Variants in UBAC2 observed in about 807,000 individuals in gnomAD.
UBAC2 encodes ubiquitin-associated domain-containing protein 2.
In UBAC2, 26 loss-of-function variants were observed where a neutral mutation model predicts 44.0. The observed-to-expected ratio is 0.59, with a 90% CI of 0.43 to 0.82. UBAC2 has a LOEUF of 0.82. UBAC2 is among the 40% of genes least tolerant of loss of function. UBAC2 has a pLI of 0.00. For missense variants in UBAC2, 329 were observed against 419.4 expected (o/e 0.78, Z 1.88); for synonymous variants, 155 against 154.3 (o/e 1.00, Z -0.04).
chr13:99,329,053 T>C (rs138435721), intron 6 of UBAC2, among the ~76,000 whole-genome samples: 2,434 of 152,342 alleles, frequency 0.016, 36 homozygotes, highest in Non-Finnish European at 0.025. Context: ...TTACCAGTTA[T>C]TGAAAAGACC....
chr13:99,336,626 T>C (rs2044792220), intron 6 of UBAC2, among the ~76,000 whole-genome samples: 1 of 152,162 alleles, frequency 6.6e-6, no homozygotes, highest in Non-Finnish European at 1.5e-5. Flanking sequence ...ATTTCTAGGC[T>C]CTTGTTCTCT....
chr13:99,266,805 A>G lies in UBAC2; in HGVS notation c.389+22181A>G, dbSNP rs188278229. Among the ~76,000 whole-genome samples, 463 of 152,322 alleles carry G rather than the reference A, an allele frequency of 3.0e-3. 1 individual carries two copies. The highest frequency in any genetic ancestry group is 0.011 in the African/African-American group (442 of 41,570). On this transcript the variant is annotated intron_variant, in intron 4 of 8. Coordinates refer to ENST00000403766, the MANE Select transcript of UBAC2 (RefSeq NM_001144072.2). ...ACCTCCAGGACATTTTCATCTTCCC[A>G]GACTGAAAGCCTGTACCCATCATAC...
chr13:99,338,060 T>C (rs79817944), intron 6 of UBAC2, among the ~76,000 whole-genome samples: 81 of 97,304 alleles, frequency 8.3e-4, no homozygotes, highest in Non-Finnish European at 1.5e-3. Flanking sequence ...TTTTTTTTTT[T>C]TTTTTTTTTT....
At chr13:99,378,629 A>G (rs2045512532) in intron 8 of UBAC2, among the ~76,000 whole-genome samples, 1 of 152,252 alleles carries the variant, frequency 6.6e-6, no homozygotes, top group South Asian at 2.1e-4. Flanking sequence ...GCATCATTTT[A>G]TCCTCATTTG....
chr13:99,227,817 A>G (rs1427060968), intron 1 of UBAC2, among the ~76,000 whole-genome samples: 2 of 152,150 alleles, frequency 1.3e-5, no homozygotes, highest in East Asian at 3.8e-4. Context: ...GAGAATACCA[A>G]AGCAAACCGT....
At chr13:99,351,459 A>C (rs1447910755) in intron 7 of UBAC2, 1 of 443,660 alleles carries the variant, frequency 2.3e-6, no homozygotes, top group South Asian at 1.6e-5. Context: ...CAAACCTAAA[A>C]TGTTTACCAC....
At chr13:99,375,544 C>T (rs1010859567) in intron 8 of UBAC2, among the ~76,000 whole-genome samples, 1 of 152,126 alleles carries the variant, frequency 6.6e-6, no homozygotes, top group African/African-American at 2.4e-5. Context: ...AGGTGGGCAT[C>T]GCTTTCTGCA....
intron 2 of UBAC2, among the ~76,000 whole-genome samples, chr13:99,242,893 T>C (rs1193446488): frequency 6.8e-6 from 1 of 146,566 alleles, no homozygotes; most frequent in Non-Finnish European, 1.5e-5. Context: ...GCAGAGGTGC[T>C]CCCCACATCT....
At chr13:99,212,053 AGTT>A (rs1365380926) in intron 1 of UBAC2, among the ~76,000 whole-genome samples, 1 of 152,188 alleles carries the variant, frequency 6.6e-6, no homozygotes, top group Non-Finnish European at 1.5e-5. Flanking sequence ...AGTGCTCTAC[AGTT>A]GTTTTTATTT....
chr13:99,288,247 A>C (rs1328558954), intron 4 of UBAC2, among the ~76,000 whole-genome samples: 1 of 152,336 alleles, frequency 6.6e-6, no homozygotes, highest in Non-Finnish European at 1.5e-5. Context: ...AAAATGGATA[A>C]AAGCCAATCA....
At chr13:99,319,097 A>G (rs972614812) in intron 6 of UBAC2, among the ~76,000 whole-genome samples, 3 of 152,200 alleles carry the variant, frequency 2.0e-5, no homozygotes, top group African/African-American at 4.8e-5. Flanking sequence ...AAGTCTCATC[A>G]TGGAAGAAGG....
chr13:99,233,830 G>T (rs1223561676), intron 1 of UBAC2, among the ~76,000 whole-genome samples: 1 of 152,114 alleles, frequency 6.6e-6, no homozygotes, highest in Non-Finnish European at 1.5e-5. Flanking sequence ...AAAAAAGGCA[G>T]TGTTTTTGGT....
intron 2 of UBAC2, among the ~76,000 whole-genome samples, chr13:99,240,250 G>T (rs929940511): frequency 6.6e-6 from 1 of 152,164 alleles, no homozygotes; most frequent in Non-Finnish European, 1.5e-5. Flanking sequence ...CCAGTCTTTA[G>T]GGGACATTCA....
intron 1 of UBAC2, among the ~76,000 whole-genome samples, chr13:99,220,719 G>A (rs1163626970): frequency 6.6e-6 from 1 of 151,926 alleles, no homozygotes; most frequent in Non-Finnish European, 1.5e-5. Context: ...TCTCTGCTTG[G>A]GTTCTGTGCG....
chr13:99,315,311 A>C (rs149235639), intron 5 of UBAC2, among the ~76,000 whole-genome samples: 100 of 152,330 alleles, frequency 6.6e-4, no homozygotes, highest in Non-Finnish European at 9.8e-4. Context: ...TTGTTGTGAC[A>C]GAGGCCATGT....
At chr13:99,345,502 T>C (rs1262087685) in intron 7 of UBAC2, among the ~76,000 whole-genome samples, 1 of 152,052 alleles carries the variant, frequency 6.6e-6, no homozygotes, top group Non-Finnish European at 1.5e-5. Context: ...CTAAATAGGT[T>C]GTTTCCCAAG....
chr13:99,204,955 G>T (rs1472747501), intron 1 of UBAC2, among the ~76,000 whole-genome samples: 1 of 144,128 alleles, frequency 6.9e-6, no homozygotes, highest in Non-Finnish European at 1.5e-5. Flanking sequence ...CCAGGCTGGA[G>T]TGCAGCGGTG....
intron 6 of UBAC2, among the ~76,000 whole-genome samples, chr13:99,328,537 C>G (rs2044671545): frequency 6.6e-6 from 1 of 152,160 alleles, no homozygotes; most frequent in South Asian, 2.1e-4. Context: ...TTTAGCCGCT[C>G]TATTGGGTGT....
At position 99,254,461 on chromosome 13, in the gene UBAC2, T is replaced by A. The variant is rs57796820; in HGVS notation, c.389+9837T>A. Among the ~76,000 whole-genome samples, 503 of 152,334 alleles carry A rather than the reference T, an allele frequency of 3.3e-3. 5 individuals carry two copies. The highest frequency in any genetic ancestry group is 0.012 in the African/African-American group (484 of 41,568). ...GTAATGAGTTCAACATAATTTCTTATATAGGAATTCTGGAAGTCAGTGTTT... is the reference window on the plus strand; with the variant it reads ...GTAATGAGTTCAACATAATTTCTTAAATAGGAATTCTGGAAGTCAGTGTTT... On this transcript the variant is annotated intron_variant, in intron 4 of 8. Coordinates refer to ENST00000403766, the MANE Select transcript of UBAC2 (RefSeq NM_001144072.2).
Sources: allele counts gnomAD v4.1 joint callset (sites outside exome capture counted in the v4.1 genomes callset), GRCh38; gene constraint gnomAD v4.1.1; transcripts MANE v1.5; gene names NCBI Gene and HGNC (gene_info 2026-07-23, HGNC 2026-07-21).